FBXO46: variants seen among roughly 807,000 people sequenced by gnomAD.
FBXO46 encodes the protein F-box only protein 46.
FBXO46 carries 13 observed loss-of-function variants against 30.7 expected under a neutral mutation model. The observed-to-expected ratio is 0.42, with a 90% CI of 0.28 to 0.67. FBXO46 has a LOEUF of 0.67. FBXO46 is among the 30% of genes least tolerant of loss of function. FBXO46 has a pLI of 0.21. For synonymous variants in FBXO46, 467 were observed against 385.8 expected, an observed-to-expected ratio of 1.21 and a Z score of -2.47; for missense variants, 754 against 871.5, an observed-to-expected ratio of 0.87 and a Z score of 1.70.
At chr19:45,717,313 G>C (rs1968108572) in intron 1 of FBXO46, 1 of 152,122 alleles carries the variant, frequency 6.6e-6, no homozygotes, top group South Asian at 2.1e-4. Flanking sequence ...ACACGCATGC[G>C]CGCGAAAGGT....
In FBXO46 at chr19:45,713,603, T is replaced by C; in HGVS notation, c.-78-30A>G. The C allele has an allele frequency of 1.1e-6, 1 of 910,944 alleles. No individual in the cohort carries two copies. Among genetic ancestry groups the C allele is most frequent in the Admixed American group, 3.0e-5 (1 of 33,784 alleles). The allele number at this position is 910,944 out of a possible 1,614,324, so 56.4% of individuals were successfully genotyped here. A position where few individuals can be genotyped will look rare whatever the true frequency, so the allele number is the denominator to read the frequency against. On this transcript the variant is annotated intron_variant, in intron 1 of 1. Coordinates refer to ENST00000317683, the MANE Select transcript of FBXO46 (RefSeq NM_001080469.2). The surrounding 1 kb of genome is among the most constrained non-coding windows in gnomAD (Gnocchi z 4.7). ...AGACACGAAGAGGAGGTTGGGGAGC[T>C]AGGGGGACAGCCTTTCTTCCCAGGA... is the stretch of plus-strand genomic sequence containing the variant.
chr19:45,723,904 G>GA (rs879387383), intron 1 of FBXO46, among the ~76,000 whole-genome samples: 117 of 145,652 alleles, frequency 8.0e-4, no homozygotes, highest in South Asian at 2.6e-3. Context: ...AGGAGTTCAA[G>GA]AAAAAAAAAA....
At chr19:45,731,550 C>T (rs1968312536), upstream of FBXO46, among the ~76,000 whole-genome samples, 2 of 151,660 alleles carry the variant, frequency 1.3e-5, 1 homozygote, top group South Asian at 4.2e-4. Flanking sequence ...CTCCTGACCT[C>T]ATGATCCACC....
intron 1 of FBXO46, among the ~76,000 whole-genome samples, chr19:45,718,579 G>A (rs776430635): frequency 5.3e-5 from 8 of 152,018 alleles, no homozygotes; most frequent in Non-Finnish European, 1.2e-4. Flanking sequence ...CCCTCTGCAA[G>A]GCTCAATTCC....
upstream of FBXO46, among the ~76,000 whole-genome samples, chr19:45,732,988 A>T (rs1968346829): frequency 1.3e-5 from 2 of 152,092 alleles, no homozygotes; most frequent in Non-Finnish European, 2.9e-5. Context: ...TACTGGGAAG[A>T]CAGTGGCTAA....
At chr19:45,729,484 G>T (rs752175488) in intron 1 of FBXO46, among the ~76,000 whole-genome samples, 6 of 152,208 alleles carry the variant, frequency 3.9e-5, no homozygotes, top group Non-Finnish European at 8.8e-5. Flanking sequence ...GTAAATGGCA[G>T]AACTAATATT....
chr19:45,718,339 A>C (rs1017279534), intron 1 of FBXO46, among the ~76,000 whole-genome samples: 1 of 152,118 alleles, frequency 6.6e-6, no homozygotes, highest in Non-Finnish European at 1.5e-5. Flanking sequence ...GAAGCCAGGG[A>C]ATCTGATTTC....
chr19:45,722,379 C>T (rs1968184387), intron 1 of FBXO46, among the ~76,000 whole-genome samples: 1 of 152,124 alleles, frequency 6.6e-6, no homozygotes, highest in Non-Finnish European at 1.5e-5. Flanking sequence ...CCCCATGTGC[C>T]TCAGTTTCCC....
intron 1 of FBXO46, chr19:45,716,354 CCCCCTCAAGT>C (rs1470303562): frequency 2.6e-5 from 4 of 151,766 alleles, no homozygotes; most frequent in Non-Finnish European, 4.4e-5. Flanking sequence ...AACCTGGCCA[CCCCCTCAAGT>C]CCCCTAATCA....
intron 1 of FBXO46, 26 bp downstream of exon 1, chr19:45,730,823 C>A (rs1473617408): frequency 1.3e-5 from 2 of 152,478 alleles, no homozygotes; most frequent in East Asian, 3.9e-4. Flanking sequence ...CTCTCCAGCG[C>A]CCCCGGCCCG....
At position 45,713,337 on chromosome 19, in the gene FBXO46, T is replaced by C. The variant is rs1358952610; in HGVS notation, c.159A>G (p.Ser53=). Residue 53 remains serine, a synonymous_variant, in exon 2 of 2, where the codon TCA becomes TCG. Coordinates refer to ENST00000317683, the MANE Select transcript of FBXO46 (RefSeq NM_001080469.2). This position sits in a 1 kb window ranked among gnomAD's most constrained non-coding sequence, Gnocchi z 4.7. Reference sequence around the variant, plus strand: ...TGGCCAAGGCGGGTGGTGTGTTCTCTGAGTGGGCAGGCCCATGGTCTGGCT... The same window carrying C: ...TGGCCAAGGCGGGTGGTGTGTTCTCCGAGTGGGCAGGCCCATGGTCTGGCT... ...GAEPDHGPAH[S]ENTPPALATE... is the part of the protein sequence containing the mutation. 3 of 1,613,044 alleles carry C rather than the reference T, an allele frequency of 1.9e-6. No individual in the cohort carries two copies. The highest frequency in any genetic ancestry group is 1.7e-6 in the Non-Finnish European group (2 of 1,179,586).
In FBXO46 at chr19:45,724,508, G is replaced by T. The variant is rs575022938; in HGVS notation, c.-79+6341C>A. On this transcript the variant is annotated intron_variant, in intron 1 of 1. Transcript: ENST00000317683. ...ATACAGGCGCTGGCACATGGTAAGT[G>T]CTCTATTAACACTTGTGGGCTGGGC... is the stretch of plus-strand genomic sequence containing the variant. Among the ~76,000 whole-genome samples, 5 of 152,226 alleles carry T rather than the reference G, an allele frequency of 3.3e-5. No individual in the cohort carries two copies. In the East Asian group the frequency reaches 9.7e-4, roughly 29 times the overall value.
chr19:45,712,464 A>T lies in FBXO46; in HGVS notation c.1032T>A (p.Pro344=), dbSNP rs769743746. Residue 344 remains proline, a synonymous_variant, in exon 2 of 2, where the codon CCT becomes CCA. Transcript: ENST00000317683. This position sits in a 1 kb window ranked among gnomAD's most constrained non-coding sequence, Gnocchi z 8.8. Reference sequence around the variant, plus strand: ...GAGGGGGCGCCGGGGGAGTGTCCTCAGGCCTGGCGGGTGCCGGGCTGTCAC... The same window carrying T: ...GAGGGGGCGCCGGGGGAGTGTCCTCTGGCCTGGCGGGTGCCGGGCTGTCAC... ...SEGDSPAPAR[P]EDTPPAPPPP... The T allele has an allele frequency of 6.2e-6, 10 of 1,609,938 alleles. No individual in the cohort carries two copies. Among genetic ancestry groups the T allele is most frequent in the Non-Finnish European group, 7.6e-6 (9 of 1,178,066 alleles).
chr19:45,729,096 C>T (rs901344446), intron 1 of FBXO46, among the ~76,000 whole-genome samples: 5 of 150,072 alleles, frequency 3.3e-5, no homozygotes, highest in Admixed American at 6.7e-5. Flanking sequence ...AGCGAAACTC[C>T]GCCTCAAAAA....
rs914420843 is a variant in FBXO46 at position 45,711,460 on chromosome 19, C to T, written c.*224G>A. 2 of 682,080 alleles carry T rather than the reference C, an allele frequency of 2.9e-6. No individual in the cohort carries two copies. The highest frequency in any genetic ancestry group is 2.2e-5 in the Admixed American group (1 of 46,056). The allele number at this position is 682,080 out of a possible 1,614,324, so 42.3% of individuals were successfully genotyped here. On this transcript the variant is annotated 3_prime_UTR_variant, in exon 2 of 2. Transcript: ENST00000317683. ...ATGCTGATAAAAAAAAAAAAAACAC[C>T]CTTCTCAGAGGGTCCACGGCCCTGG...
At position 45,713,078 on chromosome 19, in the gene FBXO46, G is replaced by A; in HGVS notation, c.418C>T (p.Pro140Ser). Residue 140 changes from proline (P) to serine (S), a missense_variant, in exon 2 of 2, where the codon CCC becomes TCC. Physicochemically the swap from Pro to Ser is moderately conservative, Grantham distance 74 (BLOSUM62 -1). This residue lies in a region of FBXO46 where 454 missense variants were observed against 426.5 expected (regional missense o/e 1.06). Coordinates refer to ENST00000317683, the MANE Select transcript of FBXO46 (RefSeq NM_001080469.2). The surrounding 1 kb of genome is among the most constrained non-coding windows in gnomAD (Gnocchi z 4.7). ...CCTGGGTCAGGAGGAGCCTTGGTGG[G>A]GTCAAGACAGCGCCTCCGCCGCTTG... ...KAKRRRRCLD[P>S]TKAPPDPGGR... The A allele has an allele frequency of 6.3e-7, 1 of 1,593,264 alleles. No individual in the cohort carries two copies. Among genetic ancestry groups the A allele is most frequent in the Non-Finnish European group, 8.5e-7 (1 of 1,171,156 alleles).
chr19:45,732,200 C>T (rs1968326984), upstream of FBXO46, among the ~76,000 whole-genome samples: 2 of 151,796 alleles, frequency 1.3e-5, 1 homozygote, highest in Non-Finnish European at 2.9e-5. Context: ...CCTAGAACAG[C>T]GTAAACATGT....
chr19:45,732,158 G>C (rs1442227345), upstream of FBXO46, among the ~76,000 whole-genome samples: 1 of 151,758 alleles, frequency 6.6e-6, no homozygotes, highest in Non-Finnish European at 1.5e-5. Flanking sequence ...AGCTCCAGGA[G>C]GGCAGAGATC....
chr19:45,721,843 CT>C (rs1342261984), intron 1 of FBXO46, among the ~76,000 whole-genome samples: 4 of 150,500 alleles, frequency 2.7e-5, no homozygotes, highest in Admixed American at 2.0e-4. Context: ...CCACCCCACC[CT>C]TTTTTTTTCT....
Sources: allele counts gnomAD v4.1 joint callset (sites outside exome capture counted in the v4.1 genomes callset), GRCh38; gene constraint gnomAD v4.1.1; regional missense constraint gnomAD v4.1.1; non-coding constraint Gnocchi (gnomAD v3.1); transcripts MANE v1.5; gene names NCBI Gene and HGNC (gene_info 2026-07-23, HGNC 2026-07-21).